Variants in KALRN observed in about 807,000 individuals in gnomAD.
KALRN encodes kalirin.
Under a neutral mutation model 353.7 loss-of-function variants are expected in KALRN, and 70 were observed. The ratio of observed to expected loss-of-function variants is 0.20; its 90% CI spans 0.16 to 0.24. The LOEUF is 0.24. KALRN is among the 10% of genes least tolerant of loss of function. KALRN has a pLI of 1.00. For synonymous variants in KALRN, 1,391 were observed against 1,434.8 expected (o/e 0.97, Z 0.69); for missense variants, 2,791 against 3,756.7 (o/e 0.74, Z 6.72).
intron 6 of KALRN, among the ~76,000 whole-genome samples, chr3:124,314,470 G>A (rs1233264143): frequency 6.6e-6 from 1 of 151,848 alleles, no homozygotes; most frequent in Admixed American, 6.6e-5. Context: ...CACACGTTGT[G>A]CACATATACC....
intron 32 of KALRN, among the ~76,000 whole-genome samples, chr3:124,495,729 TAAAAA>T (rs1170201040): frequency 5.9e-5 from 4 of 68,234 alleles, no homozygotes; most frequent in Non-Finnish European, 7.8e-5. Context: ...GACTCCATCT[TAAAAA>T]AAAAAAAAAA....
intron 33 of KALRN, among the ~76,000 whole-genome samples, chr3:124,520,767 T>A: frequency 6.6e-6 from 1 of 151,534 alleles, no homozygotes; most frequent in East Asian, 1.9e-4. Context: ...GTCAAGGAGG[T>A]TTCCATTCAC....
chr3:124,578,923 AC>A (rs2074379998), intron 34 of KALRN, among the ~76,000 whole-genome samples: 1 of 152,202 alleles, frequency 6.6e-6, no homozygotes, highest in South Asian at 2.1e-4. Context: ...ATCACGGCTC[AC>A]CAAGCCTATG....
chr3:124,649,965 AAATAATAATAATAATAAT>A (rs71145473), intron 37 of KALRN, among the ~76,000 whole-genome samples: 11,319 of 143,474 alleles, frequency 0.079, 613 homozygotes, highest in Middle Eastern at 0.19. Context: ...CTCTAAAATA[AAATAATAATAATAATAAT>A]AATAATAATA....
At chr3:124,527,423 C>T (rs1246837967) in intron 33 of KALRN, among the ~76,000 whole-genome samples, 1 of 151,964 alleles carries the variant, frequency 6.6e-6, no homozygotes, top group Non-Finnish European at 1.5e-5. Flanking sequence ...TCCTGGCTAA[C>T]ACGGTGAAAC....
At chr3:124,127,704 G>T (rs770911405) in intron 1 of KALRN, among the ~76,000 whole-genome samples, 4 of 152,050 alleles carry the variant, frequency 2.6e-5, no homozygotes, top group Non-Finnish European at 5.9e-5. Flanking sequence ...TTTTATTGTT[G>T]GTCAGATCTA....
At chr3:124,402,126 G>A (rs1033781462) in intron 13 of KALRN, among the ~76,000 whole-genome samples, 1 of 152,156 alleles carries the variant, frequency 6.6e-6, no homozygotes, top group Non-Finnish European at 1.5e-5. Flanking sequence ...TGACTCCTTA[G>A]CCATATCACT....
intron 1 of KALRN, chr3:124,163,457 A>T: frequency 4.2e-6 from 1 of 236,322 alleles, no homozygotes; most frequent in Non-Finnish European, 6.9e-6. Flanking sequence ...ATTTATTTTG[A>T]CAAATCACGT....
chr3:124,240,263 G>A (rs1483881250), intron 3 of KALRN, among the ~76,000 whole-genome samples: 6 of 152,162 alleles, frequency 3.9e-5, no homozygotes, highest in African/African-American at 2.4e-5. Flanking sequence ...GGATGAAGAG[G>A]CATCTTAGTC....
At chr3:124,413,800 T>G in intron 14 of KALRN, 135 bp downstream of exon 14, 1 of 747,682 alleles carries the variant, frequency 1.3e-6, no homozygotes, top group Non-Finnish European at 2.1e-6. Flanking sequence ...TTTACCCACA[T>G]TTTTTTTAAA....
At position 124,069,783 on chromosome 3, in the gene KALRN, G is replaced by A. The variant is rs181711919; in HGVS notation, c.73+35970G>A. ...GGAGTAGATACCACATGCAGCTGAAGCTCAGAGGAAAGGGAGGTGAGCTTT... is the reference window on the plus strand; with the variant it reads ...GGAGTAGATACCACATGCAGCTGAAACTCAGAGGAAAGGGAGGTGAGCTTT... On this transcript the variant is annotated intron_variant, in intron 1 of 59. Transcript: ENST00000682506. Among the ~76,000 whole-genome samples the A allele has an allele frequency of 3.8e-3, 583 of 152,314 alleles. 1 individual carries two copies. Among genetic ancestry groups the A allele is most frequent in the Non-Finnish European group, 6.1e-3 (413 of 68,020 alleles).
intron 9 of KALRN, among the ~76,000 whole-genome samples, chr3:124,341,450 T>C (rs961601933): frequency 1.3e-5 from 2 of 152,200 alleles, no homozygotes; most frequent in Non-Finnish European, 2.9e-5. Flanking sequence ...GCAAGGATGC[T>C]GTGTGATAGA....
chr3:124,575,973 T>C (rs2074049757), intron 34 of KALRN, among the ~76,000 whole-genome samples: 1 of 151,992 alleles, frequency 6.6e-6, no homozygotes, highest in African/African-American at 2.4e-5. Flanking sequence ...CTGTCTACCA[T>C]TCACCTGACC....
intron 6 of KALRN, among the ~76,000 whole-genome samples, chr3:124,305,996 C>T (rs1204209682): frequency 6.6e-6 from 1 of 152,100 alleles, no homozygotes; most frequent in Non-Finnish European, 1.5e-5. Context: ...GTTCAAAAAA[C>T]AAACCATAGT....
chr3:124,387,589 A>C (rs931614653), intron 11 of KALRN, among the ~76,000 whole-genome samples: 1 of 152,190 alleles, frequency 6.6e-6, no homozygotes, highest in Admixed American at 6.5e-5. Flanking sequence ...AAAGACTTTT[A>C]TATAAAGGCT....
intron 1 of KALRN, among the ~76,000 whole-genome samples, chr3:124,046,152 C>T (rs1467007895): frequency 4.6e-5 from 7 of 152,048 alleles, no homozygotes; most frequent in Non-Finnish European, 1.0e-4. Context: ...TTATCAGGTC[C>T]AGTGATTTTT....
At position 124,496,010 on chromosome 3, in the gene KALRN, T is replaced by C. The variant is rs867982155; in HGVS notation, c.4833-301T>C. Among the ~76,000 whole-genome samples, 179 of 61,774 alleles carry C rather than the reference T, an allele frequency of 2.9e-3. 18 individuals are homozygous for C. Among genetic ancestry groups the C allele is most frequent in the African/African-American group, 7.4e-3 (69 of 9,366 alleles). 40.5% of individuals were successfully genotyped at this position (61,774 alleles called of 152,430 possible). A position where few individuals can be genotyped will look rare whatever the true frequency, so the allele number is the denominator to read the frequency against. ...ATATATATATATATATATATATATA[T>C]ATACACACACATATATACATACATA... On this transcript the variant is annotated intron_variant, in intron 32 of 59. Transcript: ENST00000682506.
In KALRN at chr3:124,562,718, C is replaced by T; in HGVS notation, c.4936-125C>T. ...AAACACCATTTTTCCTCTTTATTCC[C>T]CTTCTCTTCCTCCTTACCTCTGCTC... On this transcript the variant is annotated intron_variant, in intron 33 of 59. Transcript: ENST00000682506. The T allele has an allele frequency of 2.4e-5, 21 of 860,688 alleles. No individual in the cohort carries two copies. In the South Asian group the frequency reaches 3.6e-4, roughly 15 times the overall value. The allele number at this position is 860,688 out of a possible 1,614,324, so 53.3% of individuals were successfully genotyped here.
chr3:124,589,303 C>T (rs1366308510), intron 34 of KALRN, among the ~76,000 whole-genome samples: 1 of 152,220 alleles, frequency 6.6e-6, no homozygotes, highest in East Asian at 1.9e-4. Context: ...ACCATTATGA[C>T]ATTCACTGTT....
Sources: allele counts gnomAD v4.1 joint callset (sites outside exome capture counted in the v4.1 genomes callset), GRCh38; gene constraint gnomAD v4.1.1; transcripts MANE v1.5; gene names NCBI Gene and HGNC (gene_info 2026-07-23, HGNC 2026-07-21).